Variants in PLCL1 observed in about 807,000 individuals in gnomAD.
PLCL1 encodes inactive phospholipase C-like protein 1.
PLCL1 carries 41 observed loss-of-function variants against 84.4 expected under a neutral mutation model. The observed-to-expected ratio is 0.49, with a 90% CI of 0.38 to 0.63. The LOEUF (loss-of-function observed/expected upper bound fraction) is 0.63. Ranked by LOEUF, PLCL1 falls within the 30% of genes least tolerant of loss-of-function variation. PLCL1 has a pLI of 0.00. For synonymous variants in PLCL1, 490 were observed against 488.3 expected (o/e 1.00, Z -0.05); for missense variants, 1,206 against 1,367.8 (o/e 0.88, Z 1.87).
chr2:198,001,247 G>A (rs566401461), intron 1 of PLCL1, among the ~76,000 whole-genome samples: 1 of 152,186 alleles, frequency 6.6e-6, no homozygotes, highest in Non-Finnish European at 1.5e-5. Flanking sequence ...AAAGGGCACT[G>A]TGAACAGTGA....
Position 197,935,782 on chromosome 2 carries a change from C to A in PLCL1, c.240+130443C>A, listed in dbSNP as rs576602405. ...ACGTAAAAGTTAAAAGAGAATCTCT[C>A]TTAGTGAATTTCAGCTATACCATAT... is the stretch of plus-strand genomic sequence containing the variant. On this transcript the variant is annotated intron_variant, in intron 1 of 5. Transcript: ENST00000428675. 5.1e-4 allele frequency among the ~76,000 whole-genome samples: 77 copies of A among 152,248 alleles called. 1 individual carries two copies. The South Asian group carries it at 0.016, about 31-fold the overall frequency.
In PLCL1 at chr2:198,049,282, C is replaced by G. The variant is rs376962033; in HGVS notation, c.241-34476C>G. On this transcript the variant is annotated intron_variant, in intron 1 of 5. Coordinates refer to ENST00000428675, the MANE Select transcript of PLCL1 (RefSeq NM_006226.4). Reference sequence around the variant, plus strand: ...ACTAAAATGCAACAGCATAAATCCTCTCTCATAATAGACAGCACCTGTAGC... The same window carrying G: ...ACTAAAATGCAACAGCATAAATCCTGTCTCATAATAGACAGCACCTGTAGC... Among the ~76,000 whole-genome samples the G allele has an allele frequency of 2.4e-4, 36 of 152,324 alleles. 1 individual carries two copies. In the East Asian group the frequency reaches 5.8e-3, roughly 24 times the overall value.
chr2:198,030,782 C>T lies in PLCL1; in HGVS notation c.241-52976C>T, dbSNP rs546914436. On this transcript the variant is annotated intron_variant, in intron 1 of 5. Transcript: ENST00000428675. ...GTTTACAGTTAGCACACTGCAGAGG[C>T]GGAATTCTCACTGACATGTTTTCTA... Among the ~76,000 whole-genome samples, 75 of 152,202 alleles carry T rather than the reference C, an allele frequency of 4.9e-4. 1 individual carries two copies. The highest frequency in any genetic ancestry group is 1.8e-3 in the African/African-American group (74 of 41,546).
intron 1 of PLCL1, among the ~76,000 whole-genome samples, chr2:197,944,110 G>T (rs981505796): frequency 1.1e-4 from 16 of 152,154 alleles, no homozygotes; most frequent in Admixed American, 9.2e-4. Flanking sequence ...TAGAGTTTGC[G>T]TATCTGGGTA....
chr2:197,958,703 T>C (rs530935853), intron 1 of PLCL1, among the ~76,000 whole-genome samples: 1 of 152,148 alleles, frequency 6.6e-6, no homozygotes, highest in East Asian at 1.9e-4. Context: ...ATAGCTACTA[T>C]TTATTACATG....
intron 1 of PLCL1, among the ~76,000 whole-genome samples, chr2:198,066,956 T>G (rs1692335232): frequency 6.6e-6 from 1 of 152,188 alleles, no homozygotes; most frequent in African/African-American, 2.4e-5. Flanking sequence ...CATGTTTGTG[T>G]GATTATCCTT....
At chr2:198,018,181 G>A (rs1233138016) in intron 1 of PLCL1, among the ~76,000 whole-genome samples, 1 of 152,180 alleles carries the variant, frequency 6.6e-6, no homozygotes, top group Non-Finnish European at 1.5e-5. Context: ...CCTGCCATGA[G>A]GGACAGTGCT....
chr2:198,059,451 T>C (rs1306455118), intron 1 of PLCL1, among the ~76,000 whole-genome samples: 1 of 152,188 alleles, frequency 6.6e-6, no homozygotes, highest in Admixed American at 6.5e-5. Context: ...TACTTTGAGG[T>C]AGAAAATTAT....
intron 1 of PLCL1, among the ~76,000 whole-genome samples, chr2:197,939,325 C>T (rs935231379): frequency 2.0e-5 from 3 of 152,136 alleles, no homozygotes; most frequent in Non-Finnish European, 4.4e-5. Context: ...TTAAAAAGCC[C>T]AGATCCAGGG....
At chr2:198,055,626 T>A (rs1428207889) in intron 1 of PLCL1, among the ~76,000 whole-genome samples, 2 of 152,032 alleles carry the variant, frequency 1.3e-5, no homozygotes, top group East Asian at 2.0e-4. Flanking sequence ...ATGGTTCTCC[T>A]TGGAATGATG....
intron 1 of PLCL1, among the ~76,000 whole-genome samples, chr2:197,890,393 A>G (rs1366306917): frequency 6.6e-6 from 1 of 152,098 alleles, no homozygotes; most frequent in Non-Finnish European, 1.5e-5. Flanking sequence ...AGCAACACCA[A>G]CCTTTGGATC....
rs140961238 is a variant in PLCL1 at position 197,885,679 on chromosome 2, T to C, written c.240+80340T>C. On this transcript the variant is annotated intron_variant, in intron 1 of 5. Transcript: ENST00000428675. ...TCAGCTCAAACATTTTTCCCTCAGA[T>C]AGGCCTTCTCTGACCATCTTTCTAA... Among the ~76,000 whole-genome samples, 907 of 152,352 alleles carry C rather than the reference T, an allele frequency of 6.0e-3. 7 individuals carry two copies. Among genetic ancestry groups the C allele is most frequent in the Non-Finnish European group, 0.011 (726 of 68,018 alleles).
intron 1 of PLCL1, among the ~76,000 whole-genome samples, chr2:197,924,134 G>A (rs1422120704): frequency 1.9e-5 from 2 of 106,396 alleles, no homozygotes; most frequent in Admixed American, 2.0e-4. Flanking sequence ...GAGGGAGACC[G>A]TGGGGAGAGG....
intron 1 of PLCL1, among the ~76,000 whole-genome samples, chr2:197,928,177 G>A (rs1490921751): frequency 2.0e-5 from 3 of 152,086 alleles, no homozygotes; most frequent in Non-Finnish European, 4.4e-5. Context: ...TACATGATTA[G>A]TCATGAGTAA....
At chr2:197,896,380 A>G (rs1361343497) in intron 1 of PLCL1, among the ~76,000 whole-genome samples, 1 of 152,032 alleles carries the variant, frequency 6.6e-6, no homozygotes, top group African/African-American at 2.4e-5. Flanking sequence ...ATCCTAGAGC[A>G]AAGCCCTATG....
intron 1 of PLCL1, among the ~76,000 whole-genome samples, chr2:197,874,153 C>T (rs1012902915): frequency 2.6e-5 from 4 of 152,062 alleles, no homozygotes; most frequent in Admixed American, 1.3e-4. Context: ...ATCTCAATGG[C>T]GTGTAGTCAC....
chr2:197,808,735 A>G (rs912885143), intron 1 of PLCL1, among the ~76,000 whole-genome samples: 1 of 152,244 alleles, frequency 6.6e-6, no homozygotes, highest in Non-Finnish European at 1.5e-5. Flanking sequence ...AGGAAGCAGC[A>G]TAGCTTATTT....
At chr2:197,952,584 C>G (rs1426783670) in intron 1 of PLCL1, among the ~76,000 whole-genome samples, 1 of 152,136 alleles carries the variant, frequency 6.6e-6, no homozygotes, top group Non-Finnish European at 1.5e-5. Flanking sequence ...TATTTTATCT[C>G]AAGTCTATTT....
intron 1 of PLCL1, among the ~76,000 whole-genome samples, chr2:197,896,598 G>A (rs1688135937): frequency 6.6e-6 from 1 of 152,074 alleles, no homozygotes; most frequent in Admixed American, 6.6e-5. Flanking sequence ...TGTGTAAAAT[G>A]TGAGAATGGT....
Sources: allele counts gnomAD v4.1 joint callset (sites outside exome capture counted in the v4.1 genomes callset), GRCh38; gene constraint gnomAD v4.1.1; transcripts MANE v1.5; gene names NCBI Gene and HGNC (gene_info 2026-07-23, HGNC 2026-07-21).